GPHN: variants seen among roughly 807,000 people sequenced by gnomAD.
GPHN encodes gephyrin.
In GPHN, 17 loss-of-function variants were observed where a neutral mutation model predicts 95.5. The ratio of observed to expected loss-of-function variants is 0.18; its 90% CI spans 0.12 to 0.27. GPHN has a LOEUF of 0.27. GPHN is among the 10% of genes least tolerant of loss of function. The pLI is 1.00. For missense variants in GPHN, 660 were observed against 978.1 expected, an observed-to-expected ratio of 0.67 and a Z score of 4.34; for synonymous variants, 320 against 322.5, an observed-to-expected ratio of 0.99 and a Z score of 0.08.
At chr14:67,370,886 A>G in the GPHN span, among the ~76,000 whole-genome samples, 4 of 151,962 alleles carry the variant, frequency 2.6e-5, no homozygotes, top group Admixed American at 6.6e-5. Flanking sequence ...TTACCCAGGC[A>G]TGGTGTTGTG....
the GPHN span, among the ~76,000 whole-genome samples, chr14:67,629,857 C>T: frequency 6.6e-6 from 1 of 151,580 alleles, no homozygotes; most frequent in Non-Finnish European, 1.5e-5. Flanking sequence ...TGTGTGGATC[C>T]GATAGATACT....
chr14:66,602,936 G>A (rs1233876338), intron 1 of GPHN, among the ~76,000 whole-genome samples: 1 of 151,774 alleles, frequency 6.6e-6, no homozygotes, highest in African/African-American at 2.4e-5. Flanking sequence ...ATCAACATTT[G>A]CTCTTGGTCA....
At chr14:66,905,445 A>G (rs768413234) in intron 5 of GPHN, among the ~76,000 whole-genome samples, 1 of 152,084 alleles carries the variant, frequency 6.6e-6, no homozygotes, top group Non-Finnish European at 1.5e-5. Context: ...TGCTCTGTCC[A>G]CTTGGGAAGA....
intron 21 of GPHN, among the ~76,000 whole-genome samples, chr14:67,171,198 A>G (rs1034979261): frequency 6.6e-6 from 1 of 152,076 alleles, no homozygotes; most frequent in African/African-American, 2.4e-5. Flanking sequence ...AAATTAACAA[A>G]AAGAAAATGT....
At chr14:67,631,429 TC>T in the GPHN span, among the ~76,000 whole-genome samples, 3 of 142,814 alleles carry the variant, frequency 2.1e-5, no homozygotes, top group African/African-American at 2.7e-5. Context: ...ATCCTTTCTT[TC>T]TTTCTTTTTT....
chr14:66,516,868 A>G (rs2058267703), intron 1 of GPHN, among the ~76,000 whole-genome samples: 1 of 152,220 alleles, frequency 6.6e-6, no homozygotes, highest in Admixed American at 6.5e-5. Context: ...ACAGGGGCTC[A>G]CGCCTGTAAT....
chr14:67,168,431 C>A (rs1448249086), intron 20 of GPHN, among the ~76,000 whole-genome samples: 1 of 152,110 alleles, frequency 6.6e-6, no homozygotes, highest in Admixed American at 6.5e-5. Context: ...TAAAACACTT[C>A]TTAAATCATT....
chr14:67,190,421 G>A, the GPHN span, among the ~76,000 whole-genome samples: 4 of 146,988 alleles, frequency 2.7e-5, no homozygotes, highest in African/African-American at 1.0e-4. Context: ...ACAGGGTTTC[G>A]CCATTTGGCC....
the GPHN span, among the ~76,000 whole-genome samples, chr14:67,479,196 A>AG: frequency 6.6e-6 from 1 of 152,094 alleles, no homozygotes; most frequent in Non-Finnish European, 1.5e-5. Flanking sequence ...TCATGAGGTC[A>AG]GGAGTTCAAG....
At chr14:66,988,038 C>G (rs61989637) in intron 9 of GPHN, among the ~76,000 whole-genome samples, 3 of 151,562 alleles carry the variant, frequency 2.0e-5, no homozygotes, top group African/African-American at 4.8e-5. Context: ...TTTTTTTTCC[C>G]TAAACTTCTG....
At chr14:66,886,103 T>C (rs2064174426) in intron 5 of GPHN, among the ~76,000 whole-genome samples, 1 of 152,144 alleles carries the variant, frequency 6.6e-6, no homozygotes, top group Non-Finnish European at 1.5e-5. Flanking sequence ...AAGATAATGA[T>C]GTGTAAGCAA....
the GPHN span, among the ~76,000 whole-genome samples, chr14:67,528,080 T>C: frequency 6.6e-6 from 1 of 152,184 alleles, no homozygotes; most frequent in Non-Finnish European, 1.5e-5. Context: ...AGCTCTGAGA[T>C]GGGCTGGTGG....
At chr14:66,701,576 C>T (rs1343216088) in intron 2 of GPHN, among the ~76,000 whole-genome samples, 5 of 152,140 alleles carry the variant, frequency 3.3e-5, no homozygotes, top group Admixed American at 3.3e-4. Context: ...CAGGGTAGCC[C>T]CTACCCCGCA....
At chr14:66,915,958 C>A in intron 5 of GPHN, 45 bp from the exon 6 acceptor site, 1 of 986,032 alleles carries the variant, frequency 1.0e-6, no homozygotes, top group Non-Finnish European at 1.6e-6. Flanking sequence ...TTAAACCGGG[C>A]ATTCATAGCA....
At chr14:66,728,170 G>A (rs1412354811) in intron 2 of GPHN, among the ~76,000 whole-genome samples, 3 of 152,112 alleles carry the variant, frequency 2.0e-5, no homozygotes, top group African/African-American at 2.4e-5. Context: ...CAAGAATTGG[G>A]GTTTGGGAAC....
intron 1 of GPHN, among the ~76,000 whole-genome samples, chr14:66,538,982 C>A (rs2059246575): frequency 6.6e-6 from 1 of 152,082 alleles, no homozygotes; most frequent in Non-Finnish European, 1.5e-5. Flanking sequence ...TTATTAGGGT[C>A]AGTCTGCATT....
the GPHN span, among the ~76,000 whole-genome samples, chr14:67,534,501 G>A: frequency 6.6e-6 from 1 of 151,822 alleles, no homozygotes; most frequent in Non-Finnish European, 1.5e-5. Context: ...GATCCTGTCT[G>A]TTAAAAAAAA....
chr14:66,716,084 G>A (rs1229539294), intron 2 of GPHN, among the ~76,000 whole-genome samples: 1 of 152,044 alleles, frequency 6.6e-6, no homozygotes, highest in Non-Finnish European at 1.5e-5. Flanking sequence ...GACCTGTCTA[G>A]TGCTGTCAGT....
chr14:67,593,025 G>C, the GPHN span, among the ~76,000 whole-genome samples: 1 of 152,308 alleles, frequency 6.6e-6, no homozygotes, highest in Middle Eastern at 3.4e-3. Flanking sequence ...GACCTTAGGT[G>C]ATCCGCCTGC....
Sources: gnomAD v4.1 joint callset for allele counts (sites outside exome capture counted in the v4.1 genomes callset) on GRCh38, gnomAD v4.1.1 for gene constraint, MANE v1.5 for transcripts, NCBI Gene and HGNC (gene_info 2026-07-23, HGNC 2026-07-21) for gene names.